The following TOR1AIP1 variants were observed in gnomAD, a reference collection of about 807,000 sequenced individuals.
TOR1AIP1 encodes the protein torsin-1A-interacting protein 1.
Under a neutral mutation model 63.3 loss-of-function variants are expected in TOR1AIP1, and 54 were observed. The ratio of observed to expected loss-of-function variants is 0.85; its 90% CI spans 0.69 to 1.07. The LOEUF (loss-of-function observed/expected upper bound fraction) is 1.07. Ranked by LOEUF, TOR1AIP1 falls within the 50% of genes least tolerant of loss-of-function variation. The pLI is 0.00. For synonymous variants in TOR1AIP1, 294 were observed against 273.5 expected, an observed-to-expected ratio of 1.07 and a Z score of -0.74; for missense variants, 736 against 715.0, an observed-to-expected ratio of 1.03 and a Z score of -0.33.
chr1:179,905,560 A>T (rs1005566464), intron 6 of TOR1AIP1, among the ~76,000 whole-genome samples: 5 of 152,184 alleles, frequency 3.3e-5, no homozygotes, highest in African/African-American at 1.2e-4. Flanking sequence ...TTACTCTTCG[A>T]ATTATTTTAT....
At chr1:179,891,957 A>T (rs1434371501) in intron 3 of TOR1AIP1, among the ~76,000 whole-genome samples, 1 of 152,162 alleles carries the variant, frequency 6.6e-6, no homozygotes, top group African/African-American at 2.4e-5. Context: ...GTTTTAATTC[A>T]TTTCAGTGTC....
chr1:179,904,330 T>G (rs1381566714), intron 6 of TOR1AIP1, among the ~76,000 whole-genome samples: 1 of 152,238 alleles, frequency 6.6e-6, no homozygotes, highest in East Asian at 1.9e-4. Context: ...ATGTAGTAGT[T>G]TGAGCCTATT....
chr1:179,896,339 G>A (rs1007068374), intron 3 of TOR1AIP1, among the ~76,000 whole-genome samples: 5 of 151,904 alleles, frequency 3.3e-5, no homozygotes, highest in Non-Finnish European at 5.9e-5. Flanking sequence ...GTGCAGGAGC[G>A]TGATCTCGGC....
At chr1:179,890,333 G>C (rs1310900409) in intron 3 of TOR1AIP1, among the ~76,000 whole-genome samples, 1 of 152,146 alleles carries the variant, frequency 6.6e-6, no homozygotes, top group African/African-American at 2.4e-5. Context: ...AACTAAAAAG[G>C]AAATGTATTT....
intron 2 of TOR1AIP1, among the ~76,000 whole-genome samples, chr1:179,888,891 G>A (rs753821137): frequency 3.9e-5 from 6 of 152,120 alleles, no homozygotes; most frequent in African/African-American, 9.7e-5. Flanking sequence ...TAGAATGAGC[G>A]TATTGAATCT....
rs1412102285 is a variant in TOR1AIP1 at position 179,918,035 on chromosome 1, A to G, written c.1548A>G (p.Glu516=). The G allele has an allele frequency of 6.2e-7, 1 of 1,614,144 alleles. No individual in the cohort carries two copies. Among genetic ancestry groups the G allele is most frequent in the East Asian group, 2.2e-5 (1 of 44,904 alleles). Residue 516 remains glutamate (E), a synonymous_variant, in exon 10 of 10, where the codon GAA becomes GAG. Coordinates refer to ENST00000606911, the MANE Select transcript of TOR1AIP1 (RefSeq NM_015602.4). ...TAGTCCTGACTGTCTTATTGGAGGAAGAGACACTTGGAACAAGTCTAGGCC... is the reference window on the plus strand; with the variant it reads ...TAGTCCTGACTGTCTTATTGGAGGAGGAGACACTTGGAACAAGTCTAGGCC... ...VALVLTVLLE[E]ETLGTSLGLK...
At chr1:179,916,700 CTTT>C (rs3029850) in intron 9 of TOR1AIP1, among the ~76,000 whole-genome samples, 1 of 95,180 alleles carries the variant, frequency 1.1e-5, no homozygotes, top group African/African-American at 4.1e-5. Flanking sequence ...GCATCCTTTT[CTTT>C]TTTTTTTTTT....
rs1165960394 is a variant in TOR1AIP1 at position 179,899,292 on chromosome 1, T to C, written c.611-834T>C. Among the ~76,000 whole-genome samples the C allele has an allele frequency of 2.6e-5, 4 of 151,952 alleles. No homozygotes were observed. The East Asian group carries it at 7.7e-4, about 29-fold the overall frequency. ...TTTTTTTAAGTTTCAGAATAGCCCATGTAAAAATACTATGTTCCAAGTTTA... is the reference window on the plus strand; with the variant it reads ...TTTTTTTAAGTTTCAGAATAGCCCACGTAAAAATACTATGTTCCAAGTTTA... On this transcript the variant is annotated intron_variant, in intron 3 of 9. Transcript: ENST00000606911.
At chr1:179,883,168 G>C (rs1647795555) in intron 1 of TOR1AIP1, 191 bp downstream of exon 1, 2 of 622,032 alleles carry the variant, frequency 3.2e-6, no homozygotes, top group South Asian at 3.9e-5. Context: ...AGGAAGCGCC[G>C]ACCGGAGGAG....
At chr1:179,888,114 C>A (rs1387925420) in intron 2 of TOR1AIP1, among the ~76,000 whole-genome samples, 2 of 152,160 alleles carry the variant, frequency 1.3e-5, no homozygotes, top group African/African-American at 4.8e-5. Context: ...TCTGTAGAGT[C>A]AGTTTGATTA....
At chr1:179,894,627 A>G (rs1278871147) in intron 3 of TOR1AIP1, among the ~76,000 whole-genome samples, 2 of 152,168 alleles carry the variant, frequency 1.3e-5, no homozygotes, top group Non-Finnish European at 2.9e-5. Context: ...TGGAGGTTGT[A>G]GTGAGCCGAG....
chr1:179,896,437 C>T (rs1376689805), intron 3 of TOR1AIP1, among the ~76,000 whole-genome samples: 1 of 150,774 alleles, frequency 6.6e-6, no homozygotes, highest in Admixed American at 6.6e-5. Context: ...TTCTTTATGT[C>T]AGTGACCGAC....
intron 6 of TOR1AIP1, among the ~76,000 whole-genome samples, chr1:179,907,585 C>CACA (rs914561851): frequency 1.1e-5 from 1 of 91,784 alleles, no homozygotes; most frequent in African/African-American, 3.8e-5. Context: ...AAGAAATACA[C>CACA]ACACACTTTA....
At chr1:179,901,834 A>G (rs1648475203) in intron 5 of TOR1AIP1, among the ~76,000 whole-genome samples, 3 of 152,222 alleles carry the variant, frequency 2.0e-5, no homozygotes, top group Admixed American at 6.5e-5. Context: ...AGTTTATTCA[A>G]TGAAAGAGTT....
intron 7 of TOR1AIP1, 37 bp downstream of exon 7, chr1:179,907,901 CAATTCTTTTCTCTTTTTTTTTTTTTTT>C: frequency 1.2e-6 from 1 of 830,596 alleles, no homozygotes; most frequent in Non-Finnish European, 1.9e-6. Context: ...TTCAGCCAAT[CAATTCTTTTCTCTTTTTTTTTTTTTTT>C]TTTTTTGAGA....
intron 3 of TOR1AIP1, among the ~76,000 whole-genome samples, chr1:179,897,227 T>A (rs1485822432): frequency 6.6e-6 from 1 of 152,202 alleles, no homozygotes; most frequent in Non-Finnish European, 1.5e-5. Flanking sequence ...ATTTATTAGA[T>A]ACTTCAAATA....
intron 8 of TOR1AIP1, chr1:179,913,631 GTATAA>G (rs1314123783): frequency 1.4e-6 from 1 of 702,290 alleles, no homozygotes; most frequent in Non-Finnish European, 2.6e-6. Context: ...TTTTCAGATG[GTATAA>G]TATGTTTCAT....
rs572009816 is a variant in TOR1AIP1, at chr1:179,910,149, T to G, written c.907+1476T>G. ...GTGATAAAACCATCGTACTTTGAAC[T>G]CACTTTCTATAATTTCTATGGAAAT... On this transcript the variant is annotated intron_variant, in intron 8 of 9. Coordinates refer to ENST00000606911, the MANE Select transcript of TOR1AIP1 (RefSeq NM_015602.4). 1.7e-3 allele frequency among the ~76,000 whole-genome samples: 264 copies of G among 152,354 alleles called. 1 individual carries two copies. Among genetic ancestry groups the G allele is most frequent in the Non-Finnish European group, 2.1e-3 (144 of 68,036 alleles).
At chr1:179,886,811 C>T (rs553159593) in intron 2 of TOR1AIP1, among the ~76,000 whole-genome samples, 17 of 152,298 alleles carry the variant, frequency 1.1e-4, no homozygotes, top group African/African-American at 4.1e-4. Flanking sequence ...TTTTCTTCCT[C>T]TAAAAGGTGC....
Sources: gnomAD v4.1 joint callset for allele counts (sites outside exome capture counted in the v4.1 genomes callset) on GRCh38, gnomAD v4.1.1 for gene constraint, MANE v1.5 for transcripts, NCBI Gene and HGNC (gene_info 2026-07-23, HGNC 2026-07-21) for gene names.